Variants in CNTN5 observed in about 807,000 individuals in gnomAD.
CNTN5 encodes the protein contactin-5.
Under a neutral mutation model 129.1 loss-of-function variants are expected in CNTN5, and 77 were observed. That is an observed-to-expected ratio of 0.60 (90% CI 0.50 to 0.72). The LOEUF (loss-of-function observed/expected upper bound fraction) is 0.72. Among genes scored for constraint, CNTN5 ranks in the 30% least tolerant of loss-of-function variants. The pLI, the probability that CNTN5 is intolerant of heterozygous loss-of-function variation, is 0.00. For synonymous variants in CNTN5, 509 were observed against 465.6 expected (o/e 1.09, Z -1.20); for missense variants, 1,478 against 1,328.8 (o/e 1.11, Z -1.75).
intron 3 of CNTN5, among the ~76,000 whole-genome samples, chr11:99,745,569 C>T (rs1431855339): frequency 6.6e-6 from 1 of 152,094 alleles, no homozygotes; most frequent in Non-Finnish European, 1.5e-5. Context: ...GCACCTTTCT[C>T]TGTTAAAAGG....
At chr11:99,212,753 A>C (rs1357046157) in intron 1 of CNTN5, among the ~76,000 whole-genome samples, 1 of 152,190 alleles carries the variant, frequency 6.6e-6, no homozygotes, top group Non-Finnish European at 1.5e-5. Flanking sequence ...ACATTTAAAA[A>C]TTTTAAATAT....
chr11:99,306,284 A>G (rs976419314), intron 1 of CNTN5, among the ~76,000 whole-genome samples: 5 of 152,190 alleles, frequency 3.3e-5, no homozygotes, highest in African/African-American at 1.2e-4. Flanking sequence ...TGGGGAATTT[A>G]CTTATCAAAT....
In CNTN5 at chr11:100,256,564, G is replaced by A. The variant is rs1360565795; in HGVS notation, c.2164+646G>A. Among the ~76,000 whole-genome samples the A allele has an allele frequency of 2.6e-5, 4 of 152,270 alleles. No individual in the cohort carries two copies. In the East Asian group the frequency reaches 7.8e-4, roughly 30 times the overall value. On this transcript the variant is annotated intron_variant, in intron 17 of 24. Coordinates refer to ENST00000524871, the MANE Select transcript of CNTN5 (RefSeq NM_014361.4). Reference sequence around the variant, plus strand: ...TGCAGTTCCCAATGAGATCAACGCAGAAGGTGGGTGATTTCTGCATTTCCA... The same window carrying A: ...TGCAGTTCCCAATGAGATCAACGCAAAAGGTGGGTGATTTCTGCATTTCCA...
intron 2 of CNTN5, among the ~76,000 whole-genome samples, chr11:99,421,755 T>C (rs953929509): frequency 6.6e-6 from 1 of 152,166 alleles, no homozygotes; most frequent in Non-Finnish European, 1.5e-5. Flanking sequence ...TTGTTTGCTT[T>C]GTAAGTTTAA....
chr11:99,609,386 A>C (rs1452996449), intron 3 of CNTN5, among the ~76,000 whole-genome samples: 1 of 152,122 alleles, frequency 6.6e-6, no homozygotes, highest in Non-Finnish European at 1.5e-5. Context: ...GCTCCTCATA[A>C]TACTAGTGGT....
At chr11:99,709,203 A>G (rs756519887) in intron 3 of CNTN5, among the ~76,000 whole-genome samples, 3 of 151,926 alleles carry the variant, frequency 2.0e-5, no homozygotes, top group African/African-American at 7.2e-5. Context: ...TCATGCAACT[A>G]TGATGGCAAC....
chr11:99,596,026 G>A (rs867190662), intron 3 of CNTN5, among the ~76,000 whole-genome samples: 1 of 151,952 alleles, frequency 6.6e-6, no homozygotes, highest in Admixed American at 6.6e-5. Flanking sequence ...TTCAAGACAC[G>A]CTTTAAAGTT....
At chr11:99,743,095 T>C (rs752415400) in intron 3 of CNTN5, among the ~76,000 whole-genome samples, 44 of 152,180 alleles carry the variant, frequency 2.9e-4, no homozygotes, top group Non-Finnish European at 1.3e-4. Flanking sequence ...AATTCATTGC[T>C]TTGCTCATTT....
At chr11:99,599,058 A>G (rs1452304269) in intron 3 of CNTN5, among the ~76,000 whole-genome samples, 1 of 152,116 alleles carries the variant, frequency 6.6e-6, no homozygotes, top group African/African-American at 2.4e-5. Flanking sequence ...CACTTTTTAA[A>G]GTTGATTTTT....
At chr11:100,210,789 A>T (rs1385136958) in intron 15 of CNTN5, among the ~76,000 whole-genome samples, 3 of 152,230 alleles carry the variant, frequency 2.0e-5, no homozygotes, top group Non-Finnish European at 4.4e-5. Context: ...AAGAATGTGT[A>T]TGCAGTCATG....
At chr11:100,066,370 T>C (rs1454134238) in intron 10 of CNTN5, among the ~76,000 whole-genome samples, 2 of 152,050 alleles carry the variant, frequency 1.3e-5, no homozygotes, top group African/African-American at 2.4e-5. Context: ...GCGGATAAAA[T>C]ATGTTGACTC....
intron 2 of CNTN5, among the ~76,000 whole-genome samples, chr11:99,349,152 A>G (rs1372475455): frequency 6.6e-6 from 1 of 152,182 alleles, no homozygotes; most frequent in East Asian, 1.9e-4. Context: ...AAAAGCTAAT[A>G]TTAGTCTATG....
At chr11:100,125,944 T>C (rs1946168057) in intron 13 of CNTN5, among the ~76,000 whole-genome samples, 1 of 152,146 alleles carries the variant, frequency 6.6e-6, no homozygotes, top group Non-Finnish European at 1.5e-5. Context: ...TATGCAGCAC[T>C]ATAAACCTTC....
chr11:100,012,404 C>T (rs904278153), intron 9 of CNTN5, among the ~76,000 whole-genome samples: 1 of 152,004 alleles, frequency 6.6e-6, no homozygotes, highest in Admixed American at 6.6e-5. Context: ...ATGTTCTTGA[C>T]GTGTTCAACA....
chr11:99,376,256 C>T (rs1940174707), intron 2 of CNTN5, among the ~76,000 whole-genome samples: 1 of 152,036 alleles, frequency 6.6e-6, no homozygotes, highest in Non-Finnish European at 1.5e-5. Context: ...TCAACAATCC[C>T]AAAATATAAG....
intron 3 of CNTN5, among the ~76,000 whole-genome samples, chr11:99,766,617 C>T (rs1188029849): frequency 6.6e-6 from 1 of 152,000 alleles, no homozygotes; most frequent in Non-Finnish European, 1.5e-5. Flanking sequence ...GTTTGCCAAA[C>T]GTCATTCCAT....
intron 1 of CNTN5, among the ~76,000 whole-genome samples, chr11:99,135,070 G>A (rs983794925): frequency 3.3e-5 from 5 of 152,056 alleles, no homozygotes; most frequent in South Asian, 2.1e-4. Context: ...AATGTTCTGC[G>A]AATTTCTAAG....
intron 2 of CNTN5, among the ~76,000 whole-genome samples, chr11:99,371,628 G>GA (rs538198665): frequency 2.1e-4 from 31 of 151,070 alleles, no homozygotes; most frequent in Non-Finnish European, 3.7e-4. Context: ...ATATTAAGGA[G>GA]AAAAAAAAAT....
At chr11:99,395,124 T>C (rs979556147) in intron 2 of CNTN5, among the ~76,000 whole-genome samples, 1 of 151,934 alleles carries the variant, frequency 6.6e-6, no homozygotes, top group Admixed American at 6.6e-5. Flanking sequence ...CTCACTGTCT[T>C]CCATAATGGT....
Sources: allele counts gnomAD v4.1 joint callset (sites outside exome capture counted in the v4.1 genomes callset), GRCh38; gene constraint gnomAD v4.1.1; transcripts MANE v1.5; gene names NCBI Gene and HGNC (gene_info 2026-07-23, HGNC 2026-07-21).